TAS2R1: variants seen among roughly 807,000 people sequenced by gnomAD.
TAS2R1 encodes taste 2 receptor member 1, also known as taste receptor type 2 member 1.
For missense variants in TAS2R1, 370 were observed against 353.4 expected (o/e 1.05, Z -0.38); for synonymous variants, 141 against 134.2 (o/e 1.05, Z -0.35).
the TAS2R1 span, among the ~76,000 whole-genome samples, chr5:9,762,299 T>C: frequency 6.6e-6 from 1 of 152,162 alleles, no homozygotes; most frequent in Non-Finnish European, 1.5e-5. Flanking sequence ...CTCAAAGGAA[T>C]TTCTGCAAAT....
At chr5:9,744,998 T>C in the TAS2R1 span, among the ~76,000 whole-genome samples, 1 of 152,204 alleles carries the variant, frequency 6.6e-6, no homozygotes, top group African/African-American at 2.4e-5. Context: ...ACAAGGTTTA[T>C]AGTGACACAA....
At chr5:9,799,271 C>T in the TAS2R1 span, among the ~76,000 whole-genome samples, 1 of 152,252 alleles carries the variant, frequency 6.6e-6, no homozygotes, top group Non-Finnish European at 1.5e-5. Context: ...CAAATTCCCA[C>T]CTGTGTCATG....
the TAS2R1 span, among the ~76,000 whole-genome samples, chr5:9,840,887 T>TGAGATGGAG: frequency 2.0e-5 from 2 of 100,484 alleles, no homozygotes; most frequent in Non-Finnish European, 4.1e-5. Context: ...TTTTTTTTTT[T>TGAGATGGAG]TTTTTTGAGA....
chr5:9,856,509 A>G, the TAS2R1 span, among the ~76,000 whole-genome samples: 1 of 152,228 alleles, frequency 6.6e-6, no homozygotes, highest in Non-Finnish European at 1.5e-5. Flanking sequence ...TTAAAGGAAA[A>G]GAAAGAGTGT....
chr5:9,867,218 C>A, the TAS2R1 span: 3 of 152,156 alleles, frequency 2.0e-5, no homozygotes, highest in African/African-American at 4.8e-5. Flanking sequence ...TTTTGTTGAA[C>A]TCCTGCTTTC....
At chr5:9,796,464 T>A in the TAS2R1 span, among the ~76,000 whole-genome samples, 1 of 152,158 alleles carries the variant, frequency 6.6e-6, no homozygotes, top group African/African-American at 2.4e-5. Context: ...TGCATCATAC[T>A]GCCTCTTTGA....
At chr5:9,833,062 T>C in the TAS2R1 span, among the ~76,000 whole-genome samples, 1 of 152,228 alleles carries the variant, frequency 6.6e-6, no homozygotes. Flanking sequence ...AAGATTGCAT[T>C]CTTCTGAGTC....
chr5:9,722,299 C>A, the TAS2R1 span, among the ~76,000 whole-genome samples: 1 of 152,200 alleles, frequency 6.6e-6, no homozygotes, highest in Non-Finnish European at 1.5e-5. Flanking sequence ...TGCCCAGATT[C>A]CTGACCCATA....
At chr5:9,858,610 C>T in the TAS2R1 span, among the ~76,000 whole-genome samples, 1 of 152,120 alleles carries the variant, frequency 6.6e-6, no homozygotes, top group Non-Finnish European at 1.5e-5. Context: ...TTTAGTGATG[C>T]TTTTTATAAG....
intron 1 of TAS2R1, among the ~76,000 whole-genome samples, chr5:9,697,734 A>G (rs1741389000): frequency 6.6e-6 from 1 of 152,198 alleles, no homozygotes; most frequent in South Asian, 2.1e-4. Flanking sequence ...TGCAATAACA[A>G]ATAGAATACT....
the TAS2R1 span, among the ~76,000 whole-genome samples, chr5:9,743,831 G>A: frequency 6.6e-6 from 1 of 152,014 alleles, no homozygotes; most frequent in Non-Finnish European, 1.5e-5. Flanking sequence ...AGGAGGAGGA[G>A]GAGAGGAGGG....
At chr5:9,877,718 A>G in the TAS2R1 span, among the ~76,000 whole-genome samples, 2 of 152,226 alleles carry the variant, frequency 1.3e-5, no homozygotes, top group African/African-American at 2.4e-5. Flanking sequence ...AGCCGAGAGA[A>G]ATTAAACAGC....
At chr5:9,840,833 T>TTTTATTTATTTATTTATTTA in the TAS2R1 span, among the ~76,000 whole-genome samples, 52 of 77,434 alleles carry the variant, frequency 6.7e-4, no homozygotes, top group Non-Finnish European at 9.8e-4. Flanking sequence ...TTTCATTTTA[T>TTTTATTTATTTATTTATTTA]TTTATTTATT....
At chr5:9,838,746 T>TTTTTAGGA in the TAS2R1 span, among the ~76,000 whole-genome samples, 1 of 152,312 alleles carries the variant, frequency 6.6e-6, no homozygotes, top group South Asian at 2.1e-4. Context: ...GGATATACAT[T>TTTTTAGGA]TTTTAGGAAG....
the TAS2R1 span, among the ~76,000 whole-genome samples, chr5:9,742,765 G>A: frequency 6.6e-6 from 1 of 152,278 alleles, no homozygotes; most frequent in South Asian, 2.1e-4. Context: ...GAGTTAGGTA[G>A]GGCTTGGCTG....
chr5:9,787,284 G>A, the TAS2R1 span, among the ~76,000 whole-genome samples: 2 of 152,130 alleles, frequency 1.3e-5, no homozygotes, highest in Admixed American at 6.5e-5. Flanking sequence ...GAGAAAATTT[G>A]CTTTGCAAAT....
At position 9,648,169 on chromosome 5, in the gene TAS2R1, T is replaced by A. The variant is rs549500742; in HGVS notation, c.-81+11252A>T. The stretch of plus-strand genomic sequence containing the variant: ...CAGTATGGATTGGGGAGAGAATACT[T>A]CAACATGCAAGAGAAAAATGTGATC... On this transcript the variant is annotated intron_variant, in intron 2 of 2. Transcript: ENST00000506620. 2.0e-5 allele frequency among the ~76,000 whole-genome samples: 3 copies of A among 152,214 alleles called. No homozygotes were observed. In the South Asian group the frequency reaches 6.2e-4, roughly 32 times the overall value.
chr5:9,845,173 C>G, the TAS2R1 span, among the ~76,000 whole-genome samples: 11 of 151,960 alleles, frequency 7.2e-5, no homozygotes, highest in Non-Finnish European at 1.3e-4. Context: ...GGGTTTAGTG[C>G]CCTTATAAGA....
At chr5:9,710,295 C>T (rs1741703537) in intron 1 of TAS2R1, among the ~76,000 whole-genome samples, 1 of 152,344 alleles carries the variant, frequency 6.6e-6, no homozygotes. Context: ...GCCCTCCACT[C>T]ACCCAAGGCC....
Sources: gnomAD v4.1 joint callset for allele counts (sites outside exome capture counted in the v4.1 genomes callset) on GRCh38, gnomAD v4.1.1 for gene constraint, MANE v1.5 for transcripts, NCBI Gene and HGNC (gene_info 2026-07-23, HGNC 2026-07-21) for gene names.